Variants in UNC79 observed in about 807,000 individuals in gnomAD.
UNC79 encodes the protein unc-79 subunit of NALCN channel complex, also known as protein unc-79 homolog.
In UNC79, 37 loss-of-function variants were observed where a neutral mutation model predicts 283.1. The observed-to-expected ratio is 0.13, with a 90% CI of 0.10 to 0.17. The LOEUF (loss-of-function observed/expected upper bound fraction) is 0.17. Ranked by LOEUF, UNC79 falls within the 10% of genes least tolerant of loss-of-function variation. The pLI, the probability that UNC79 is intolerant of heterozygous loss-of-function variation, is 1.00. For synonymous variants in UNC79, 1,107 were observed against 1,200.2 expected (o/e 0.92, Z 1.61); for missense variants, 2,272 against 3,211.1 (o/e 0.71, Z 7.07).
intron 38 of UNC79, among the ~76,000 whole-genome samples, chr14:93,656,131 T>C (rs937998337): frequency 1.3e-5 from 2 of 152,326 alleles, no homozygotes; most frequent in Admixed American, 1.3e-4. Flanking sequence ...AGTCCAGTGC[T>C]CATTTCACTA....
At chr14:93,401,705 T>C (rs933213747) in intron 1 of UNC79, among the ~76,000 whole-genome samples, 4 of 152,216 alleles carry the variant, frequency 2.6e-5, no homozygotes, top group Admixed American at 1.3e-4. Context: ...CAGATAGCTA[T>C]AGGTACAGCC....
rs183979911 is a variant in UNC79 at position 93,395,199 on chromosome 14, C to T, written c.-351+61676C>T. ...TTTAATATTTATTTTAGTATGGTCA[C>T]TAGTAAGGAATTCTTTAGGTTTTTG... On this transcript the variant is annotated intron_variant, in intron 1 of 49. Coordinates refer to the UNC79 transcript ENST00000256339. Among the ~76,000 whole-genome samples the T allele has an allele frequency of 1.8e-4, 28 of 152,160 alleles. No homozygotes were observed. In the East Asian group the frequency reaches 4.4e-3, roughly 24 times the overall value.
chr14:93,687,044 C>T (rs1293518328), intron 43 of UNC79, among the ~76,000 whole-genome samples: 1 of 152,172 alleles, frequency 6.6e-6, no homozygotes, highest in Non-Finnish European at 1.5e-5. Flanking sequence ...ACTCTCAATT[C>T]ATTCTCTTTT....
rs2073941288 is a variant in UNC79, at chr14:93,682,712, T to C, written c.6819+18T>C. 4 of 1,610,110 alleles carry C rather than the reference T, an allele frequency of 2.5e-6. No homozygotes were observed. The highest frequency in any genetic ancestry group is 3.4e-6 in the Non-Finnish European group (4 of 1,176,812). ...TACCTGGAGTAAGTCCTGACCAAAT[T>C]CATTGTCTACATACTTACATTTCAT... On this transcript the variant is annotated intron_variant, in intron 42 of 48. Transcript: ENST00000555664.
At chr14:93,335,378 G>A (rs1277948947) in intron 1 of UNC79, among the ~76,000 whole-genome samples, 1 of 152,240 alleles carries the variant, frequency 6.6e-6, no homozygotes, top group Non-Finnish European at 1.5e-5. Flanking sequence ...AAAGTATCCA[G>A]TACCATGTGC....
chr14:93,380,177 T>C (rs2054638432), intron 1 of UNC79, among the ~76,000 whole-genome samples: 1 of 152,206 alleles, frequency 6.6e-6, no homozygotes, highest in Non-Finnish European at 1.5e-5. Flanking sequence ...AGGGGGAGGA[T>C]GACATTTTTC....
rs868114386 is a variant in UNC79 at position 93,539,092 on chromosome 14, G to A, written c.1352+874G>A. Among the ~76,000 whole-genome samples, 8 of 150,658 alleles carry A rather than the reference G, an allele frequency of 5.3e-5. No individual in the cohort carries two copies. The East Asian group carries it at 6.0e-4, about 11-fold the overall frequency. ...TAATTTTTGTATTTTTAGTAGAGAC[G>A]GGGTTTCACCATGCTGGCCAGGCTG... is the stretch of plus-strand genomic sequence containing the variant. On this transcript the variant is annotated intron_variant, in intron 12 of 48. Coordinates refer to ENST00000555664, the Ensembl canonical transcript of UNC79.
chr14:93,429,645 T>C (rs143528270), upstream of UNC79, among the ~76,000 whole-genome samples: 1 of 152,356 alleles, frequency 6.6e-6, no homozygotes, highest in African/African-American at 2.4e-5. Context: ...TTTTATTCTC[T>C]GAGGTGGAAA....
intron 31 of UNC79, 59 bp downstream of exon 33, chr14:93,630,967 G>T: frequency 6.8e-7 from 1 of 1,466,842 alleles, no homozygotes; most frequent in Non-Finnish European, 9.5e-7. Flanking sequence ...ACTGTCTGCT[G>T]CCTTGTTTTC....
At chr14:93,620,917 T>C (rs766326163) in intron 29 of UNC79, 1 of 514,324 alleles carries the variant, frequency 1.9e-6, no homozygotes, top group Non-Finnish European at 3.9e-6. Flanking sequence ...TTGATGAATC[T>C]GATATTCATG....
At chr14:93,379,460 G>T (rs2054621768) in intron 1 of UNC79, among the ~76,000 whole-genome samples, 1 of 152,074 alleles carries the variant, frequency 6.6e-6, no homozygotes, top group South Asian at 2.1e-4. Flanking sequence ...AAGGTTTCAT[G>T]ACTTTAAGCC....
intron 35 of UNC79, among the ~76,000 whole-genome samples, chr14:93,649,841 A>G (rs769699974): frequency 6.6e-6 from 1 of 152,236 alleles, no homozygotes; most frequent in Non-Finnish European, 1.5e-5. Flanking sequence ...AAATTTACAT[A>G]CAAGGAAGTG....
intron 8 of UNC79, among the ~76,000 whole-genome samples, chr14:93,528,290 T>A (rs542335444): frequency 6.6e-6 from 1 of 152,318 alleles, no homozygotes; most frequent in South Asian, 2.1e-4. Flanking sequence ...CTTTGTGGAA[T>A]GAGAGTGAAT....
At chr14:93,438,267 A>G (rs2056165017) in intron 1 of UNC79, among the ~76,000 whole-genome samples, 1 of 152,132 alleles carries the variant, frequency 6.6e-6, no homozygotes, top group African/African-American at 2.4e-5. Flanking sequence ...CTATCCTGTC[A>G]TGGTACCACT....
chr14:93,488,398 AT>A (rs1247174406), intron 5 of UNC79, among the ~76,000 whole-genome samples: 2 of 152,140 alleles, frequency 1.3e-5, no homozygotes, highest in African/African-American at 4.8e-5. Flanking sequence ...ATAATTGCAG[AT>A]AACTTTGGAA....
At chr14:93,355,420 A>G (rs1231534268) in intron 1 of UNC79, among the ~76,000 whole-genome samples, 1 of 152,104 alleles carries the variant, frequency 6.6e-6, no homozygotes, top group Non-Finnish European at 1.5e-5. Flanking sequence ...GCTGGTCTCG[A>G]ACACTTGACC....
chr14:93,646,329 T>C (rs1274823331), intron 34 of UNC79, among the ~76,000 whole-genome samples: 4 of 152,214 alleles, frequency 2.6e-5, no homozygotes, highest in Non-Finnish European at 5.9e-5. Flanking sequence ...GTGATAACTG[T>C]CTGGCCTGGC....
chr14:93,335,512 A>G (rs535916636), intron 1 of UNC79, among the ~76,000 whole-genome samples: 14 of 152,378 alleles, frequency 9.2e-5, no homozygotes, highest in African/African-American at 3.4e-4. Flanking sequence ...GATGGTACTA[A>G]GTAGTGGTTA....
intron 1 of UNC79, among the ~76,000 whole-genome samples, chr14:93,387,725 G>A (rs2054807703): frequency 6.6e-6 from 1 of 152,326 alleles, no homozygotes; most frequent in East Asian, 1.9e-4. Context: ...GTCGTTGCAT[G>A]AAATGTTCTG....
Sources: allele counts gnomAD v4.1 joint callset (sites outside exome capture counted in the v4.1 genomes callset), GRCh38; gene constraint gnomAD v4.1.1; transcripts MANE v1.5; gene names NCBI Gene and HGNC (gene_info 2026-07-23, HGNC 2026-07-21).